The following SYT16 variants were observed in gnomAD, a reference collection of about 807,000 sequenced individuals.
The protein encoded by SYT16 is synaptotagmin 16.
Under a neutral mutation model 61.4 loss-of-function variants are expected in SYT16, and 42 were observed. The observed-to-expected ratio is 0.68, with a 90% CI of 0.53 to 0.89. SYT16 has a LOEUF of 0.89. Ranked by LOEUF, SYT16 falls within the 40% of genes least tolerant of loss-of-function variation. The probability of loss-of-function intolerance (pLI) is 0.00; values close to 1 mark genes in which losing one functional copy is unlikely to be tolerated. For synonymous variants in SYT16, 314 were observed against 302.3 expected, an observed-to-expected ratio of 1.04 and a Z score of -0.40; for missense variants, 804 against 807.3, an observed-to-expected ratio of 1.00 and a Z score of 0.05.
intron 1 of SYT16, among the ~76,000 whole-genome samples, chr14:61,960,364 T>A (rs895399243): frequency 1.3e-5 from 2 of 152,230 alleles, no homozygotes; most frequent in African/African-American, 4.8e-5. Context: ...GTTTGTGTCA[T>A]CTCTAATTTC....
intron 1 of SYT16, among the ~76,000 whole-genome samples, chr14:61,953,663 TCTC>T (rs1250535628): frequency 3.9e-5 from 6 of 152,136 alleles, no homozygotes; most frequent in African/African-American, 1.2e-4. Context: ...TTTGAAAACA[TCTC>T]CTTGTTTTGC....
At chr14:61,953,228 G>C (rs1326904169) in intron 1 of SYT16, among the ~76,000 whole-genome samples, 1 of 152,156 alleles carries the variant, frequency 6.6e-6, no homozygotes, top group Admixed American at 6.5e-5. Flanking sequence ...TCCTTAAGTT[G>C]CTTTTTATAG....
At chr14:61,920,490 C>T (rs772954216) in intron 1 of SYT16, among the ~76,000 whole-genome samples, 48 of 151,908 alleles carry the variant, frequency 3.2e-4, no homozygotes, top group Admixed American at 3.9e-4. Context: ...TTCTTTCTGT[C>T]CTCTCTCTCT....
intron 7 of SYT16, among the ~76,000 whole-genome samples, chr14:62,093,436 T>A (rs867732730): frequency 8.6e-5 from 13 of 152,002 alleles, no homozygotes; most frequent in Middle Eastern, 3.2e-3. Flanking sequence ...AGATAGATAT[T>A]AGATTAAGGT....
chr14:61,864,921 C>T (rs1483877878), intron 1 of SYT16: 4 of 1,285,800 alleles, frequency 3.1e-6, no homozygotes, highest in African/African-American at 1.5e-5. Context: ...CGTGTCTTAA[C>T]CGGGGTCCTG....
chr14:62,015,637 A>G (rs2053641451), intron 3 of SYT16, among the ~76,000 whole-genome samples: 1 of 152,192 alleles, frequency 6.6e-6, no homozygotes, highest in Non-Finnish European at 1.5e-5. Context: ...TCATGAAGGC[A>G]GAGCCCTCAT....
chr14:61,906,527 T>C (rs2048716373), intron 1 of SYT16, among the ~76,000 whole-genome samples: 1 of 152,234 alleles, frequency 6.6e-6, no homozygotes, highest in South Asian at 2.1e-4. Context: ...TTAGTATAGT[T>C]TTCCTTCTCT....
At chr14:62,030,824 A>C (rs529763366) in intron 3 of SYT16, among the ~76,000 whole-genome samples, 1 of 152,210 alleles carries the variant, frequency 6.6e-6, no homozygotes, top group Non-Finnish European at 1.5e-5. Context: ...GCTGCAAAGA[A>C]AGGAAATCAA....
chr14:61,961,801 A>G lies in SYT16; in HGVS notation c.-324-8331A>G, dbSNP rs1252193428. On this transcript the variant is annotated intron_variant, in intron 1 of 7. Coordinates refer to ENST00000683842, the MANE Select transcript of SYT16 (RefSeq NM_001367656.1). ...AAAGGAATATAAATTATTCTACCATAAAGATACGTGCATGCATATGTTCAT... is the reference window on the plus strand; with the variant it reads ...AAAGGAATATAAATTATTCTACCATGAAGATACGTGCATGCATATGTTCAT... Among the ~76,000 whole-genome samples, 7 of 152,204 alleles carry G rather than the reference A, an allele frequency of 4.6e-5. No homozygotes were observed. In the East Asian group the frequency reaches 1.3e-3, roughly 29 times the overall value.
At chr14:62,026,644 C>T (rs752066106) in intron 3 of SYT16, among the ~76,000 whole-genome samples, 3 of 152,168 alleles carry the variant, frequency 2.0e-5, no homozygotes, top group Admixed American at 1.3e-4. Context: ...TTTCTTTTCT[C>T]TTTCATTTGC....
chr14:61,980,308 A>G (rs1360487458), intron 2 of SYT16, among the ~76,000 whole-genome samples: 1 of 152,190 alleles, frequency 6.6e-6, no homozygotes, highest in Non-Finnish European at 1.5e-5. Context: ...GAGAAGTTTC[A>G]TATGGTTCAA....
chr14:62,042,464 A>G (rs113573202), intron 3 of SYT16, among the ~76,000 whole-genome samples: 8 of 152,318 alleles, frequency 5.3e-5, no homozygotes, highest in African/African-American at 1.7e-4. Context: ...GGCTAAAGCA[A>G]TGGTCTACCT....
At chr14:62,039,941 T>A (rs1402624879) in intron 3 of SYT16, among the ~76,000 whole-genome samples, 15 of 151,706 alleles carry the variant, frequency 9.9e-5, no homozygotes, top group Non-Finnish European at 2.2e-4. Context: ...GGAAAGCATA[T>A]CCAGTGAGTG....
At chr14:62,050,063 G>T (rs2055198972) in intron 3 of SYT16, among the ~76,000 whole-genome samples, 1 of 152,198 alleles carries the variant, frequency 6.6e-6, no homozygotes. Context: ...ATCCTGCAGA[G>T]TGTTTTCCAA....
intron 3 of SYT16, among the ~76,000 whole-genome samples, chr14:62,043,407 CTTTTTTTTT>C (rs1203186408): frequency 8.2e-6 from 1 of 122,538 alleles, no homozygotes; most frequent in African/African-American, 3.1e-5. Flanking sequence ...ATTTTTCTTT[CTTTTTTTTT>C]TTTTTTTTTG....
At chr14:62,064,523 C>A (rs1471333202) in intron 3 of SYT16, among the ~76,000 whole-genome samples, 20 of 152,086 alleles carry the variant, frequency 1.3e-4, no homozygotes, top group Admixed American at 1.2e-3. Flanking sequence ...TCATGAAAAT[C>A]TTTTCCAGCC....
chr14:61,951,754 C>T (rs1199908179), intron 1 of SYT16, among the ~76,000 whole-genome samples: 1 of 151,986 alleles, frequency 6.6e-6, no homozygotes, highest in Non-Finnish European at 1.5e-5. Context: ...CTTTATTGGG[C>T]ATATGTTCCT....
intron 3 of SYT16, among the ~76,000 whole-genome samples, chr14:62,022,170 A>C (rs1438583924): frequency 6.6e-6 from 1 of 151,930 alleles, no homozygotes; most frequent in African/African-American, 2.4e-5. Context: ...CCATAATTCC[A>C]TATGAGACTG....
At chr14:62,071,408 C>T (rs17099483) in intron 4 of SYT16, among the ~76,000 whole-genome samples, 3,953 of 152,192 alleles carry the variant, frequency 0.026, 113 homozygotes, top group African/African-American at 0.074. Context: ...CTTCCTGGAA[C>T]GAGCAACAAA....
Sources: allele counts gnomAD v4.1 joint callset (sites outside exome capture counted in the v4.1 genomes callset), GRCh38; gene constraint gnomAD v4.1.1; transcripts MANE v1.5; gene names NCBI Gene and HGNC (gene_info 2026-07-23, HGNC 2026-07-21).